Variants in SLC15A5 observed in about 807,000 individuals in gnomAD.
SLC15A5 encodes solute carrier family 15 member 5.
Under a neutral mutation model 56.1 loss-of-function variants are expected in SLC15A5, and 58 were observed. The ratio of observed to expected loss-of-function variants is 1.03; its 90% CI spans 0.84 to 1.29. SLC15A5 has a LOEUF of 1.29. Among genes scored for constraint, SLC15A5 ranks in the 50% most tolerant of loss-of-function variants. The pLI, the probability that SLC15A5 is intolerant of heterozygous loss-of-function variation, is 0.00. For missense variants in SLC15A5, 681 were observed against 672.1 expected, an observed-to-expected ratio of 1.01 and a Z score of -0.15; for synonymous variants, 264 against 250.5, an observed-to-expected ratio of 1.05 and a Z score of -0.51.
At chr12:16,222,114 T>C (rs539304860) in intron 6 of SLC15A5, among the ~76,000 whole-genome samples, 32 of 152,350 alleles carry the variant, frequency 2.1e-4, no homozygotes, top group Middle Eastern at 3.4e-3. Context: ...CAACACATTA[T>C]AACTGCTAAT....
chr12:16,251,467 C>A (rs1206733395), intron 3 of SLC15A5, among the ~76,000 whole-genome samples: 1 of 151,342 alleles, frequency 6.6e-6, no homozygotes, highest in Non-Finnish European at 1.5e-5. Context: ...AGGAAAGACT[C>A]AAATAATTAA....
At chr12:16,276,004 C>T (rs1864814505) in intron 1 of SLC15A5, among the ~76,000 whole-genome samples, 1 of 151,962 alleles carries the variant, frequency 6.6e-6, no homozygotes, top group East Asian at 1.9e-4. Context: ...CACATGACAT[C>T]ATATCTATTT....
chr12:16,217,376 A>C (rs1199252379), intron 6 of SLC15A5, among the ~76,000 whole-genome samples: 1 of 152,120 alleles, frequency 6.6e-6, no homozygotes, highest in Admixed American at 6.5e-5. Context: ...ACAATCTATC[A>C]ATTTTGTGAT....
chr12:16,217,010 A>G lies in SLC15A5; in HGVS notation c.1366T>C (p.Tyr456His), dbSNP rs1361292921. The G allele has an allele frequency of 7.2e-6, 11 of 1,536,340 alleles. No individual in the cohort carries two copies. In the South Asian group the frequency reaches 9.5e-5, roughly 13 times the overall value. The change falls in exon 7 of 9, where the codon TAC (tyrosine) becomes CAC (histidine). Residue 456 changes from tyrosine (Y) to histidine (H), a missense_variant. Physicochemically the swap from Tyr to His is moderately conservative, Grantham distance 83. Transcript: ENST00000344941. ...CTGACATTGCTTGGAACAAATCTGT[A>G]TGATATTACAGAGACTGAGAGAAAA... Reference protein sequence around the residue: ...LVNPALSVISYRFVPSNVRGT... With the variant: ...LVNPALSVISHRFVPSNVRGT...
intron 7 of SLC15A5, among the ~76,000 whole-genome samples, chr12:16,214,396 G>T (rs1019233311): frequency 1.3e-5 from 2 of 152,206 alleles, no homozygotes; most frequent in Admixed American, 6.5e-5. Flanking sequence ...AACTCAGAAT[G>T]GAGAGGGCCC....
At chr12:16,225,765 C>T (rs906785250) in intron 5 of SLC15A5, among the ~76,000 whole-genome samples, 17 of 152,182 alleles carry the variant, frequency 1.1e-4, no homozygotes, top group African/African-American at 4.1e-4. Flanking sequence ...CATCTCACAC[C>T]AGTTAGAATG....
chr12:16,210,208 C>T (rs1170008744), intron 7 of SLC15A5, among the ~76,000 whole-genome samples: 1 of 152,182 alleles, frequency 6.6e-6, no homozygotes, highest in African/African-American at 2.4e-5. Context: ...CTAGTTTCAG[C>T]TTCAATACCA....
At position 16,269,659 on chromosome 12, in the gene SLC15A5, A is replaced by G. The variant is rs888245045; in HGVS notation, c.584+2902T>C. 1.3e-5 allele frequency among the ~76,000 whole-genome samples: 2 copies of G among 152,208 alleles called. No homozygotes were observed. Among genetic ancestry groups the G allele is most frequent in the African/African-American group, 4.8e-5 (2 of 41,452 alleles). On this transcript the variant is annotated intron_variant, in intron 2 of 8. Coordinates refer to ENST00000344941, the MANE Select transcript of SLC15A5 (RefSeq NM_001170798.1). The surrounding 1 kb of genome is among the most constrained non-coding windows in gnomAD (Gnocchi z 4.7). ...AGTCAATTTGAGTACCAGATAGTCA[A>G]CATTTCTGGGGTGAAATAAGTCAGT...
intron 3 of SLC15A5, among the ~76,000 whole-genome samples, chr12:16,255,532 T>G (rs113357676): frequency 6.6e-6 from 1 of 152,094 alleles, no homozygotes. Flanking sequence ...TAGAAAGGAA[T>G]TTGGCAACAT....
chr12:16,193,027 T>A (rs1359069793), intron 8 of SLC15A5, among the ~76,000 whole-genome samples: 1 of 152,050 alleles, frequency 6.6e-6, no homozygotes, highest in East Asian at 1.9e-4. Flanking sequence ...AACCTTACCA[T>A]AGGATACAAA....
chr12:16,251,987 G>C (rs1254073266), intron 3 of SLC15A5, among the ~76,000 whole-genome samples: 1 of 151,910 alleles, frequency 6.6e-6, no homozygotes, highest in Non-Finnish European at 1.5e-5. Context: ...TTCAAAAATA[G>C]TTCAACATAC....
In SLC15A5 at chr12:16,222,060, GAAA is replaced by G. The variant is rs377004619; in HGVS notation, c.1351+2351_1351+2353del. On this transcript the variant is annotated intron_variant, in intron 6 of 8. Transcript: ENST00000344941. ...AACATGATAATAATATTAGGTTGGT[GAAA>G]AAGTAATTGTGGTTTTTGCCATTAC... Among the ~76,000 whole-genome samples the G allele has an allele frequency of 3.5e-3, 539 of 152,260 alleles. 5 individuals carry two copies. The highest frequency in any genetic ancestry group is 0.012 in the African/African-American group (497 of 41,564).
chr12:16,257,946 T>C, intron 2 of SLC15A5, 76 bp from the exon 3 acceptor site: 1 of 1,227,138 alleles, frequency 8.1e-7, no homozygotes, highest in Non-Finnish European at 1.0e-6. Context: ...TTAATGCTTC[T>C]AATCAAATGT....
intron 7 of SLC15A5, among the ~76,000 whole-genome samples, chr12:16,204,825 A>T (rs1416395158): frequency 6.6e-6 from 1 of 152,138 alleles, no homozygotes; most frequent in East Asian, 1.9e-4. Flanking sequence ...TATTTTCTTT[A>T]ATAAAACCAA....
Position 16,254,043 on chromosome 12 carries a change from T to C in SLC15A5, c.754+3658A>G, listed in dbSNP as rs139732560. 4.1e-3 allele frequency among the ~76,000 whole-genome samples: 630 copies of C among 152,224 alleles called. 5 individuals carry two copies. Among genetic ancestry groups the C allele is most frequent in the Non-Finnish European group, 4.2e-3 (287 of 67,994 alleles). Reference sequence around the variant, plus strand: ...GAGCTAGACACATCCCACATGTCCATTGTTAGACAAGTGAATAAAGAAAAT... The same window carrying C: ...GAGCTAGACACATCCCACATGTCCACTGTTAGACAAGTGAATAAAGAAAAT... On this transcript the variant is annotated intron_variant, in intron 3 of 8. Transcript: ENST00000344941.
Position 16,189,607 on chromosome 12 carries a change from T to C in SLC15A5, c.*61A>G. The C allele has an allele frequency of 2.2e-6, 3 of 1,335,276 alleles. No homozygotes were observed. The highest frequency in any genetic ancestry group is 2.9e-6 in the Non-Finnish European group (3 of 1,037,662). The allele number at this position is 1,335,276 out of a possible 1,614,324, so 82.7% of individuals were successfully genotyped here. A position where few individuals can be genotyped will look rare whatever the true frequency, so the allele number is the denominator to read the frequency against. On this transcript the variant is annotated 3_prime_UTR_variant, in exon 9 of 9. Coordinates refer to ENST00000344941, the MANE Select transcript of SLC15A5 (RefSeq NM_001170798.1). Reference sequence around the variant, plus strand: ...TTTTACACTAAAACACATAAAATGCTCAACTGAAGAAGAAAACAATGAATA... The same window carrying C: ...TTTTACACTAAAACACATAAAATGCCCAACTGAAGAAGAAAACAATGAATA...
At chr12:16,265,165 G>A (rs1776881823) in intron 2 of SLC15A5, among the ~76,000 whole-genome samples, 1 of 152,106 alleles carries the variant, frequency 6.6e-6, no homozygotes, top group Admixed American at 6.6e-5. Flanking sequence ...GGCAAGGTAG[G>A]GAGAAAATCA....
chr12:16,229,882 T>A (rs1864279394), intron 5 of SLC15A5, among the ~76,000 whole-genome samples: 1 of 152,138 alleles, frequency 6.6e-6, no homozygotes, highest in African/African-American at 2.4e-5. Flanking sequence ...TGTCATCTAA[T>A]CTTCTAAGAA....
At chr12:16,226,791 A>G (rs1043011993) in intron 5 of SLC15A5, among the ~76,000 whole-genome samples, 4 of 152,172 alleles carry the variant, frequency 2.6e-5, no homozygotes, top group African/African-American at 9.6e-5. Flanking sequence ...CCGAGTCTGT[A>G]TCTACTCTAA....
Sources: allele counts gnomAD v4.1 joint callset (sites outside exome capture counted in the v4.1 genomes callset), GRCh38; gene constraint gnomAD v4.1.1; non-coding constraint Gnocchi (gnomAD v3.1); transcripts MANE v1.5; gene names NCBI Gene and HGNC (gene_info 2026-07-23, HGNC 2026-07-21).